ADAM12: variants seen among roughly 807,000 people sequenced by gnomAD.
ADAM12 encodes the protein disintegrin and metalloproteinase domain-containing protein 12.
Under a neutral mutation model 106.4 loss-of-function variants are expected in ADAM12, and 70 were observed. The observed-to-expected ratio is 0.66, with a 90% confidence interval of 0.54 to 0.80. The LOEUF (loss-of-function observed/expected upper bound fraction) is 0.80. Among genes scored for constraint, ADAM12 ranks in the 30% least tolerant of loss-of-function variants. ADAM12 has a pLI of 0.00. For missense variants in ADAM12, 1,010 were observed against 1,171.9 expected, an observed-to-expected ratio of 0.86 and a Z score of 2.02; for synonymous variants, 420 against 433.5, an observed-to-expected ratio of 0.97 and a Z score of 0.39.
chr10:126,174,470 C>A (rs961940554), intron 3 of ADAM12, among the ~76,000 whole-genome samples: 4 of 152,124 alleles, frequency 2.6e-5, no homozygotes, highest in African/African-American at 9.7e-5. Flanking sequence ...GAGTTCAGGG[C>A]CGGGGCTTGC....
chr10:126,097,365 C>A (rs1445478299), intron 10 of ADAM12, among the ~76,000 whole-genome samples: 1 of 152,160 alleles, frequency 6.6e-6, no homozygotes, highest in Non-Finnish European at 1.5e-5. Context: ...TAAGTGGGGG[C>A]AATCCCTCCA....
intron 2 of ADAM12, among the ~76,000 whole-genome samples, chr10:126,325,675 A>T (rs937994950): frequency 2.0e-5 from 3 of 152,208 alleles, no homozygotes; most frequent in African/African-American, 7.2e-5. Flanking sequence ...TCAAAGGCCG[A>T]GCTCAAGTGA....
intron 2 of ADAM12, among the ~76,000 whole-genome samples, chr10:126,312,527 C>T (rs557638973): frequency 3.9e-5 from 6 of 152,004 alleles, no homozygotes; most frequent in Admixed American, 1.3e-4. Context: ...GATATGGATG[C>T]CGTGTGGTCA....
At chr10:126,052,681 G>T (rs1954534793) in intron 14 of ADAM12, among the ~76,000 whole-genome samples, 1 of 152,054 alleles carries the variant, frequency 6.6e-6, no homozygotes. Context: ...AGAGAGAGAG[G>T]ACGAGAAAGA....
At chr10:126,086,707 A>ATATATATATATAT (rs1449849709) in intron 11 of ADAM12, among the ~76,000 whole-genome samples, 2 of 92,940 alleles carry the variant, frequency 2.2e-5, no homozygotes, top group East Asian at 3.4e-4. Flanking sequence ...ATATATATAT[A>ATATATATATATAT]AAATAAAATA....
chr10:126,253,255 G>A (rs55923699), intron 3 of ADAM12, among the ~76,000 whole-genome samples: 31,814 of 152,032 alleles, frequency 0.21, 4,194 homozygotes, highest in Middle Eastern at 0.3. Context: ...CCGAAAGCGT[G>A]AGCATGCATA....
At position 126,060,272 on chromosome 10, in the gene ADAM12, A is replaced by G. The variant is rs186425158; in HGVS notation, c.1609+4534T>C. Among the ~76,000 whole-genome samples the G allele has an allele frequency of 1.4e-4, 22 of 152,322 alleles. No homozygotes were observed. In the East Asian group the frequency reaches 3.9e-3, roughly 27 times the overall value. Reference sequence around the variant, plus strand: ...AGCAGGATTGTTTTATTGAAATATAACGCCAGATTGAGAAAAGCCCATTTC... The same window carrying G: ...AGCAGGATTGTTTTATTGAAATATAGCGCCAGATTGAGAAAAGCCCATTTC... On this transcript the variant is annotated intron_variant, in intron 14 of 22. Coordinates refer to ENST00000448723, the MANE Select transcript of ADAM12 (RefSeq NM_001288973.2).
chr10:126,112,700 A>G lies in ADAM12; in HGVS notation c.604-2860T>C, dbSNP rs539990858. On this transcript the variant is annotated intron_variant, in intron 6 of 22. Transcript: ENST00000448723. ...AAATCCTCATTGCAATTCTTTCTTC[A>G]TATGGGTCAGACCATTTGTATAACA... Among the ~76,000 whole-genome samples the G allele has an allele frequency of 1.3e-4, 20 of 152,348 alleles. No individual in the cohort carries two copies. The East Asian group carries it at 3.7e-3, about 28-fold the overall frequency.
intron 1 of ADAM12, among the ~76,000 whole-genome samples, chr10:126,379,846 A>G (rs1856429165): frequency 1.3e-5 from 2 of 152,232 alleles, no homozygotes; most frequent in South Asian, 4.1e-4. Context: ...GGCTTTAATT[A>G]CAAACATAGC....
chr10:126,046,269 T>C, intron 16 of ADAM12, 137 bp from the exon 17 acceptor site: 2 of 743,218 alleles, frequency 2.7e-6, no homozygotes, highest in South Asian at 1.6e-5. Context: ...TTAATACGGA[T>C]GGAGCATAAC....
chr10:126,236,258 T>C (rs1410460607), intron 3 of ADAM12, among the ~76,000 whole-genome samples: 1 of 152,124 alleles, frequency 6.6e-6, no homozygotes, highest in Non-Finnish European at 1.5e-5. Context: ...TCAACAGGCC[T>C]GGTGCCCTGG....
intron 6 of ADAM12, among the ~76,000 whole-genome samples, chr10:126,111,910 A>G (rs1437198865): frequency 6.6e-6 from 1 of 152,228 alleles, no homozygotes; most frequent in Non-Finnish European, 1.5e-5. Context: ...CCAGTTAAAA[A>G]AACAACAACA....
chr10:126,234,297 A>T (rs1222038073), intron 3 of ADAM12, among the ~76,000 whole-genome samples: 1 of 152,222 alleles, frequency 6.6e-6, no homozygotes, highest in East Asian at 1.9e-4. Context: ...TAATAAGAAA[A>T]GCAATAATAG....
chr10:126,387,088 A>G (rs890213074), intron 1 of ADAM12, among the ~76,000 whole-genome samples: 1 of 152,224 alleles, frequency 6.6e-6, no homozygotes, highest in African/African-American at 2.4e-5. Context: ...CCAGTTGTTG[A>G]AAAATAAATG....
intron 3 of ADAM12, among the ~76,000 whole-genome samples, chr10:126,242,820 G>C (rs1378662842): frequency 6.6e-6 from 1 of 152,154 alleles, no homozygotes; most frequent in African/African-American, 2.4e-5. Context: ...GGGTTCACAT[G>C]GTGAGACAGA....
chr10:126,343,050 T>C (rs776887040), intron 1 of ADAM12, among the ~76,000 whole-genome samples: 3 of 152,150 alleles, frequency 2.0e-5, no homozygotes, highest in Admixed American at 6.5e-5. Context: ...ATTTTTTTCT[T>C]TTTTTATTAT....
chr10:126,302,131 C>T (rs555861173), intron 2 of ADAM12, among the ~76,000 whole-genome samples: 3 of 152,280 alleles, frequency 2.0e-5, no homozygotes, highest in African/African-American at 7.2e-5. Context: ...ATCAAATAAT[C>T]GTTTGGCTTT....
At chr10:126,304,234 T>C (rs1305306677) in intron 2 of ADAM12, among the ~76,000 whole-genome samples, 3 of 130,512 alleles carry the variant, frequency 2.3e-5, no homozygotes, top group Non-Finnish European at 3.2e-5. Context: ...GAAACCAACA[T>C]ACAGAAAACT....
At chr10:126,256,380 G>T (rs1368479924) in intron 3 of ADAM12, among the ~76,000 whole-genome samples, 1 of 152,120 alleles carries the variant, frequency 6.6e-6, no homozygotes, top group East Asian at 1.9e-4. Flanking sequence ...AACAACTACG[G>T]GATCTTGGGC....
Sources: gnomAD v4.1 joint callset for allele counts (sites outside exome capture counted in the v4.1 genomes callset) on GRCh38, gnomAD v4.1.1 for gene constraint, MANE v1.5 for transcripts, NCBI Gene and HGNC (gene_info 2026-07-23, HGNC 2026-07-21) for gene names.